The following STON2 variants were observed in gnomAD, a reference collection of about 807,000 sequenced individuals.
The protein encoded by STON2 is stonin-2.
Under a neutral mutation model 65.7 loss-of-function variants are expected in STON2, and 29 were observed. The observed-to-expected ratio is 0.44, with a 90% CI of 0.33 to 0.60. STON2 has a LOEUF of 0.60. Among genes scored for constraint, STON2 ranks in the 20% least tolerant of loss-of-function variants. STON2 has a pLI of 0.03. For missense variants in STON2, 1,054 were observed against 1,118.1 expected (o/e 0.94, Z 0.82); for synonymous variants, 404 against 414.2 (o/e 0.98, Z 0.30).
intron 2 of STON2, among the ~76,000 whole-genome samples, chr14:81,420,665 G>T (rs1252701688): frequency 6.6e-6 from 1 of 152,162 alleles, no homozygotes; most frequent in African/African-American, 2.4e-5. Flanking sequence ...GGTAACAAGT[G>T]GTTGAAAGAT....
chr14:81,274,545 T>C (rs1397099190), intron 6 of STON2, among the ~76,000 whole-genome samples: 1 of 151,786 alleles, frequency 6.6e-6, no homozygotes, highest in African/African-American at 2.4e-5. Flanking sequence ...TCTCTCCTTT[T>C]GGGAAATAAT....
chr14:81,397,263 C>T (rs916086262), intron 2 of STON2, among the ~76,000 whole-genome samples: 6 of 151,930 alleles, frequency 3.9e-5, no homozygotes, highest in Non-Finnish European at 7.4e-5. Context: ...CTCTACAGCA[C>T]GTCAAACAGA....
At chr14:81,402,073 C>T (rs1900635703), upstream of STON2, among the ~76,000 whole-genome samples, 1 of 152,114 alleles carries the variant, frequency 6.6e-6, no homozygotes, top group African/African-American at 2.4e-5. Flanking sequence ...GAGGTATCTA[C>T]TGGGGGAATA....
intron 3 of STON2, among the ~76,000 whole-genome samples, chr14:81,373,549 T>TG (rs1899102937): frequency 6.6e-6 from 1 of 152,090 alleles, no homozygotes; most frequent in African/African-American, 2.4e-5. Context: ...AAGTAAAGAA[T>TG]CATCAGAGGC....
rs1369906365 is a variant in STON2 at position 81,285,688 on chromosome 14, T to C, written c.743-6949A>G. On this transcript the variant is annotated intron_variant, in intron 5 of 7. Coordinates refer to ENST00000614646, the MANE Select transcript of STON2 (RefSeq NM_001394390.1). ...CCTGGTGAAGATGCTGTGAACACTG[T>C]TGAAATGACAGCAAAGAGTTTAGAA... 3.9e-5 allele frequency among the ~76,000 whole-genome samples: 6 copies of C among 152,296 alleles called. No homozygotes were observed. In the East Asian group the frequency reaches 7.7e-4, roughly 20 times the overall value.
intron 3 of STON2, among the ~76,000 whole-genome samples, chr14:81,390,085 G>GC (rs199879309): frequency 1.0e-5 from 1 of 95,400 alleles, no homozygotes; most frequent in Non-Finnish European, 1.8e-5. Flanking sequence ...GATGGCACAC[G>GC]CCGTAATCCC....
intron 5 of STON2, among the ~76,000 whole-genome samples, chr14:81,290,714 G>A (rs1895522567): frequency 6.6e-6 from 1 of 152,130 alleles, no homozygotes; most frequent in Non-Finnish European, 1.5e-5. Flanking sequence ...TTCCAGCAAT[G>A]ACACTGACAA....
At chr14:81,417,877 G>C (rs888766538) in intron 2 of STON2, among the ~76,000 whole-genome samples, 2 of 152,156 alleles carry the variant, frequency 1.3e-5, no homozygotes, top group Non-Finnish European at 2.9e-5. Flanking sequence ...GGCAGAGAGA[G>C]AGATAGAAAA....
chr14:81,276,583 CTA>C (rs1491260562), intron 6 of STON2, among the ~76,000 whole-genome samples: 1 of 152,198 alleles, frequency 6.6e-6, no homozygotes, highest in Non-Finnish European at 1.5e-5. Context: ...AGCACCACAG[CTA>C]ATACGTTAAT....
chr14:81,270,349 T>A, intron 7 of STON2: 1 of 1,269,350 alleles, frequency 7.9e-7, no homozygotes. Flanking sequence ...CCTCCCAAAG[T>A]GCTGGGATTA....
chr14:81,433,900 A>G (rs904515472), intron 1 of STON2, among the ~76,000 whole-genome samples: 2 of 152,298 alleles, frequency 1.3e-5, no homozygotes, highest in South Asian at 2.1e-4. Flanking sequence ...TGACTGTAAC[A>G]GTCCTTTTGA....
chr14:81,313,417 A>T (rs572899252), intron 5 of STON2, among the ~76,000 whole-genome samples: 50 of 152,254 alleles, frequency 3.3e-4, no homozygotes, highest in African/African-American at 1.2e-3. Context: ...TCCTACGTGC[A>T]GATACGATGG....
chr14:81,381,038 C>T (rs1899488598), intron 3 of STON2, among the ~76,000 whole-genome samples: 1 of 152,048 alleles, frequency 6.6e-6, no homozygotes, highest in African/African-American at 2.4e-5. Flanking sequence ...CAGAATCATA[C>T]TATTTAGAAT....
In STON2 at chr14:81,376,730, T is replaced by C. The variant is rs137964455; in HGVS notation, c.374-5545A>G. The stretch of plus-strand genomic sequence containing the variant: ...TACAAAATAATCTCAATCATGGACA[T>C]AGGTAAAAGGATCCCAAACAAATTA... On this transcript the variant is annotated intron_variant, in intron 3 of 7. Coordinates refer to ENST00000614646, the MANE Select transcript of STON2 (RefSeq NM_001394390.1). 3.9e-5 allele frequency among the ~76,000 whole-genome samples: 6 copies of C among 152,218 alleles called. No homozygotes were observed. In the East Asian group the frequency reaches 1.2e-3, roughly 29 times the overall value.
intron 4 of STON2, among the ~76,000 whole-genome samples, chr14:81,335,009 T>C (rs957714014): frequency 1.2e-5 from 1 of 80,142 alleles, no homozygotes; most frequent in African/African-American, 4.4e-5. Context: ...GGCTAATTTT[T>C]TTTTTGTATT....
intron 5 of STON2, among the ~76,000 whole-genome samples, chr14:81,294,665 G>A (rs1207478471): frequency 1.3e-5 from 2 of 152,120 alleles, no homozygotes; most frequent in Admixed American, 6.5e-5. Flanking sequence ...TATCCCTGGG[G>A]AAGATCCTGG....
At chr14:81,347,639 C>CA (rs1409990831) in intron 4 of STON2, among the ~76,000 whole-genome samples, 6 of 131,352 alleles carry the variant, frequency 4.6e-5, no homozygotes, top group South Asian at 2.4e-4. Context: ...AAAAAAAAAC[C>CA]CTACAGGCCA....
intron 5 of STON2, among the ~76,000 whole-genome samples, chr14:81,310,548 C>A (rs1225673103): frequency 6.6e-6 from 1 of 152,172 alleles, no homozygotes; most frequent in African/African-American, 2.4e-5. Context: ...TCTAATTGCC[C>A]TCCAAATAGC....
At chr14:81,311,297 T>TTGCTC (rs367860160) in intron 5 of STON2, among the ~76,000 whole-genome samples, 6 of 152,126 alleles carry the variant, frequency 3.9e-5, no homozygotes, top group Admixed American at 6.6e-5. Context: ...CATCTCTGCT[T>TTGCTC]TGCTCTGCTC....
Sources: allele counts gnomAD v4.1 joint callset (sites outside exome capture counted in the v4.1 genomes callset), GRCh38; gene constraint gnomAD v4.1.1; transcripts MANE v1.5; gene names NCBI Gene and HGNC (gene_info 2026-07-23, HGNC 2026-07-21).